Variants in AFG1L observed in about 807,000 individuals in gnomAD.
AFG1L encodes the protein AFG1-like ATPase.
A neutral mutation model predicts 62.2 loss-of-function variants in AFG1L; 53 were observed. The observed-to-expected ratio is 0.85, with a 90% CI of 0.68 to 1.07. The LOEUF (loss-of-function observed/expected upper bound fraction) is 1.07. Ranked by LOEUF, AFG1L falls within the 50% of genes least tolerant of loss-of-function variation. The probability of loss-of-function intolerance (pLI) is 0.00; values close to 1 mark genes in which losing one functional copy is unlikely to be tolerated. For synonymous variants in AFG1L, 228 were observed against 210.3 expected (o/e 1.08, Z -0.73); for missense variants, 555 against 590.5 (o/e 0.94, Z 0.62).
At chr6:108,468,031 A>G (rs1772739597) in intron 8 of AFG1L, among the ~76,000 whole-genome samples, 1 of 152,180 alleles carries the variant, frequency 6.6e-6, no homozygotes, top group Non-Finnish European at 1.5e-5. Context: ...AACTAACCCC[A>G]TATTTATCCC....
chr6:108,508,099 T>C (rs541750181), intron 10 of AFG1L, among the ~76,000 whole-genome samples: 133 of 152,304 alleles, frequency 8.7e-4, no homozygotes, highest in African/African-American at 3.2e-3. Context: ...TTCTGTCAGA[T>C]AGGAATCAAA....
In AFG1L at chr6:108,402,146, C is replaced by A. The variant is rs1781648733; in HGVS notation, c.807+92C>A. On this transcript the variant is annotated intron_variant, in intron 7 of 12. Transcript: ENST00000368977. ...GATTGTCTTAGTCTTGGCATTCAAG[C>A]AGAATTTATTTTGGCATTTAGATAG... 1.5e-5 allele frequency: 9 copies of A among 620,306 alleles called. No individual in the cohort carries two copies. The South Asian group carries it at 2.5e-4, about 17-fold the overall frequency. The allele number at this position is 620,306 out of a possible 1,614,324, so 38.4% of individuals were successfully genotyped here. A position where few individuals can be genotyped will look rare whatever the true frequency, so the allele number is the denominator to read the frequency against.
chr6:108,513,137 G>A (rs1185170835), intron 11 of AFG1L, among the ~76,000 whole-genome samples: 1 of 152,184 alleles, frequency 6.6e-6, no homozygotes, highest in Non-Finnish European at 1.5e-5. Flanking sequence ...GTATGGTGGA[G>A]CCAAGATGGC....
At chr6:108,466,890 T>G (rs12529740) in intron 8 of AFG1L, among the ~76,000 whole-genome samples, 17,263 of 151,674 alleles carry the variant, frequency 0.11, 1,123 homozygotes, top group South Asian at 0.21. Flanking sequence ...AAAATGATAA[T>G]AAATTGTGAT....
chr6:108,307,892 A>T (rs1777266666), intron 1 of AFG1L, among the ~76,000 whole-genome samples: 1 of 152,112 alleles, frequency 6.6e-6, no homozygotes, highest in Non-Finnish European at 1.5e-5. Flanking sequence ...ATATCTCATT[A>T]TGATTTTATT....
At chr6:108,499,502 C>T (rs977521353) in intron 10 of AFG1L, among the ~76,000 whole-genome samples, 2 of 150,766 alleles carry the variant, frequency 1.3e-5, no homozygotes, top group Non-Finnish European at 2.9e-5. Flanking sequence ...CTTTGGGAGG[C>T]CAAGGTGTTT....
chr6:108,373,184 C>T (rs140426179), intron 6 of AFG1L, among the ~76,000 whole-genome samples: 3 of 152,124 alleles, frequency 2.0e-5, no homozygotes, highest in East Asian at 1.9e-4. Flanking sequence ...CACCCTTACC[C>T]GCTTCTACCC....
chr6:108,346,704 G>T (rs1343652053), intron 2 of AFG1L, among the ~76,000 whole-genome samples: 1 of 152,098 alleles, frequency 6.6e-6, no homozygotes, highest in Non-Finnish European at 1.5e-5. Flanking sequence ...GCTGTTCTAA[G>T]TACCTCATGT....
In AFG1L at chr6:108,355,650, TAAGG is replaced by T; in HGVS notation, c.416-3_416del. 6.4e-7 allele frequency: 1 copy of T among 1,561,072 alleles called. No homozygotes were observed. The highest frequency in any genetic ancestry group is 1.4e-5 in the African/African-American group (1 of 72,680). On this transcript the variant is annotated splice_acceptor_variant and splice_polypyrimidine_tract_variant and coding_sequence_variant and intron_variant, in exon 4 of 13. Coordinates refer to ENST00000368977, the MANE Select transcript of AFG1L (RefSeq NM_145315.5). LOFTEE classifies it high-confidence loss of function. ...GTATTCTTAAAATTTTTTTTATTTT[TAAGG>T]TACAGGAAAAACAATGGTGATGGAC...
At chr6:108,499,224 A>G (rs1397318966) in intron 10 of AFG1L, among the ~76,000 whole-genome samples, 1 of 151,204 alleles carries the variant, frequency 6.6e-6, no homozygotes, top group East Asian at 2.0e-4. Flanking sequence ...ACGTGCCACT[A>G]CATGTGGCTA....
intron 2 of AFG1L, 131 bp downstream of exon 2, chr6:108,324,179 T>C (rs1562475344): frequency 1.3e-5 from 8 of 634,232 alleles, no homozygotes; most frequent in Non-Finnish European, 2.2e-5. Flanking sequence ...ACAAATTCTG[T>C]TGGATCCCCA....
intron 6 of AFG1L, 29 bp downstream of exon 6, chr6:108,366,361 C>T (rs1779759718): frequency 4.3e-6 from 6 of 1,381,014 alleles, no homozygotes; most frequent in Non-Finnish European, 6.1e-6. Flanking sequence ...CTAGTCTCAT[C>T]CAATTAGGTG....
chr6:108,349,399 A>T (rs1391860418), intron 3 of AFG1L, among the ~76,000 whole-genome samples: 1 of 152,158 alleles, frequency 6.6e-6, no homozygotes, highest in Non-Finnish European at 1.5e-5. Flanking sequence ...TGGGAGGATC[A>T]CTTGAGCCTA....
At chr6:108,429,213 C>T (rs1770958156) in intron 7 of AFG1L, among the ~76,000 whole-genome samples, 2 of 152,254 alleles carry the variant, frequency 1.3e-5, no homozygotes, top group East Asian at 1.9e-4. Context: ...AGTCTGTTCT[C>T]ATGCTGCTAA....
At chr6:108,492,566 G>T (rs1773817987) in intron 10 of AFG1L, among the ~76,000 whole-genome samples, 1 of 152,206 alleles carries the variant, frequency 6.6e-6, no homozygotes, top group Admixed American at 6.5e-5. Context: ...ACAGCACTAT[G>T]TCTGAGGCAT....
At chr6:108,386,827 G>C (rs1780786178) in intron 6 of AFG1L, among the ~76,000 whole-genome samples, 3 of 152,120 alleles carry the variant, frequency 2.0e-5, no homozygotes, top group Non-Finnish European at 2.9e-5. Flanking sequence ...GAAGTGATAT[G>C]ATATTCTAAG....
At chr6:108,370,476 G>A (rs890930393) in intron 6 of AFG1L, among the ~76,000 whole-genome samples, 2 of 152,028 alleles carry the variant, frequency 1.3e-5, no homozygotes, top group African/African-American at 4.8e-5. Flanking sequence ...GTCTCACCTG[G>A]TGGAAGAGGG....
chr6:108,370,230 G>A (rs960211271), intron 6 of AFG1L, among the ~76,000 whole-genome samples: 3 of 152,114 alleles, frequency 2.0e-5, no homozygotes, highest in Admixed American at 6.5e-5. Flanking sequence ...CTTATCTTAA[G>A]CAGGGACTGA....
chr6:108,325,030 G>A (rs890290199), intron 2 of AFG1L, among the ~76,000 whole-genome samples: 5 of 152,202 alleles, frequency 3.3e-5, no homozygotes, highest in Non-Finnish European at 7.4e-5. Context: ...TATGGTGTCC[G>A]TGCAGGCCAC....
Sources: gnomAD v4.1 joint callset for allele counts (sites outside exome capture counted in the v4.1 genomes callset) on GRCh38, gnomAD v4.1.1 for gene constraint, MANE v1.5 for transcripts, NCBI Gene and HGNC (gene_info 2026-07-23, HGNC 2026-07-21) for gene names.